Variants in KCNIP4 observed in about 807,000 individuals in gnomAD.
KCNIP4 encodes potassium voltage-gated channel interacting protein 4.
KCNIP4 carries 12 observed loss-of-function variants against 34.0 expected under a neutral mutation model. The observed-to-expected ratio is 0.35, with a 90% CI of 0.23 to 0.57. The LOEUF (loss-of-function observed/expected upper bound fraction) is 0.57, where lower values mean the gene tolerates loss of function less well. Among genes scored for constraint, KCNIP4 ranks in the 20% least tolerant of loss-of-function variants. The pLI, the probability that KCNIP4 is intolerant of heterozygous loss-of-function variation, is 0.83. For missense variants in KCNIP4, 238 were observed against 311.7 expected (o/e 0.76, Z 1.78); for synonymous variants, 124 against 102.2 (o/e 1.21, Z -1.29).
At chr4:21,852,346 C>G (rs1724464551) in intron 1 of KCNIP4, 1 of 152,178 alleles carries the variant, frequency 6.6e-6, no homozygotes, top group Non-Finnish European at 1.5e-5. Flanking sequence ...TGAGGCAACT[C>G]ACAATCTCTG....
chr4:20,828,567 G>T (rs1323833698), intron 3 of KCNIP4, among the ~76,000 whole-genome samples: 3 of 152,200 alleles, frequency 2.0e-5, no homozygotes, highest in Non-Finnish European at 2.9e-5. Flanking sequence ...CATCTACATT[G>T]CAGGGTGGAT....
At chr4:20,984,491 GTGGCTGGT>G in intron 1 of KCNIP4, among the ~76,000 whole-genome samples, 1 of 152,154 alleles carries the variant, frequency 6.6e-6, no homozygotes, top group South Asian at 2.1e-4. Context: ...ATCAGTTCTG[GTGGCTGGT>G]GCCTACAGGC....
intron 1 of KCNIP4, among the ~76,000 whole-genome samples, chr4:20,953,947 C>A (rs558802336): frequency 6.6e-6 from 1 of 152,112 alleles, no homozygotes; most frequent in Admixed American, 6.5e-5. Flanking sequence ...AGTAGAGTCA[C>A]GGGAAACACT....
At chr4:21,246,495 T>A (rs1760213415) in intron 1 of KCNIP4, among the ~76,000 whole-genome samples, 1 of 152,224 alleles carries the variant, frequency 6.6e-6, no homozygotes, top group Non-Finnish European at 1.5e-5. Context: ...TTTGAAGACC[T>A]GATGCCTAAA....
chr4:21,681,873 C>CT lies in KCNIP4; in HGVS notation c.61+266697dup, dbSNP rs35681482. Reference sequence around the variant, plus strand: ...GAGAGTGAGGGAGGGGAATGCCACACTTTTTTTTTTATTTTTATTTATTTA... The same window carrying CT: ...GAGAGTGAGGGAGGGGAATGCCACACTTTTTTTTTTTATTTTTATTTATTTA... On this transcript the variant is annotated intron_variant, in intron 1 of 8. Transcript: ENST00000382152. Among the ~76,000 whole-genome samples, 339 of 147,588 alleles carry CT rather than the reference C, an allele frequency of 2.3e-3. 1 individual carries two copies. Among genetic ancestry groups the CT allele is most frequent in the African/African-American group, 8.2e-3 (325 of 39,568 alleles).
intron 3 of KCNIP4, among the ~76,000 whole-genome samples, chr4:20,774,267 T>C (rs1756175902): frequency 6.6e-6 from 1 of 152,200 alleles, no homozygotes; most frequent in Non-Finnish European, 1.5e-5. Context: ...CCTTGTTAAA[T>C]ACCATCTGCT....
chr4:20,730,307 T>TGACTA (rs1480279405), intron 8 of KCNIP4, among the ~76,000 whole-genome samples, 178 bp from the exon 9 acceptor site: 1 of 152,208 alleles, frequency 6.6e-6, no homozygotes, highest in Non-Finnish European at 1.5e-5. Context: ...TCCACATAGA[T>TGACTA]GACTATGAAG....
At chr4:21,237,589 A>G (rs1759461597) in intron 1 of KCNIP4, among the ~76,000 whole-genome samples, 1 of 152,206 alleles carries the variant, frequency 6.6e-6, no homozygotes. Context: ...CCATCAGAGA[A>G]TACTATAAAC....
intron 1 of KCNIP4, among the ~76,000 whole-genome samples, chr4:21,397,957 A>G (rs1296925494): frequency 6.6e-6 from 1 of 152,212 alleles, no homozygotes; most frequent in Non-Finnish European, 1.5e-5. Flanking sequence ...CAATTTTCCA[A>G]AAACTGGAAG....
At chr4:20,905,845 G>A (rs1210465247) in intron 1 of KCNIP4, among the ~76,000 whole-genome samples, 15 of 151,670 alleles carry the variant, frequency 9.9e-5, no homozygotes, top group African/African-American at 3.6e-4. Flanking sequence ...TTCTAATCAA[G>A]GTATAGGGAA....
chr4:20,753,292 A>G (rs1216822389), intron 4 of KCNIP4, among the ~76,000 whole-genome samples: 1 of 152,148 alleles, frequency 6.6e-6, no homozygotes, highest in Non-Finnish European at 1.5e-5. Flanking sequence ...AATCGAGGAT[A>G]CTAGAGTAGA....
At chr4:21,089,629 A>G (rs953805734) in intron 1 of KCNIP4, among the ~76,000 whole-genome samples, 1 of 152,206 alleles carries the variant, frequency 6.6e-6, no homozygotes, top group South Asian at 2.1e-4. Flanking sequence ...TCAAAAAGTA[A>G]AAAACTGGGA....
At chr4:21,258,468 A>C (rs986065002) in intron 1 of KCNIP4, among the ~76,000 whole-genome samples, 2 of 152,114 alleles carry the variant, frequency 1.3e-5, no homozygotes, top group Admixed American at 1.3e-4. Flanking sequence ...TCCAAGCTCT[A>C]CCCATATTAT....
At chr4:21,783,689 T>C (rs184432274) in intron 1 of KCNIP4, among the ~76,000 whole-genome samples, 104 of 152,266 alleles carry the variant, frequency 6.8e-4, no homozygotes, top group Non-Finnish European at 1.4e-3. Flanking sequence ...GTCATAACAA[T>C]ATAAACATTA....
intron 1 of KCNIP4, among the ~76,000 whole-genome samples, chr4:21,074,394 A>G (rs1283318947): frequency 6.6e-6 from 1 of 152,068 alleles, no homozygotes; most frequent in East Asian, 1.9e-4. Flanking sequence ...GAATTTATTC[A>G]TTTCTTCTAG....
intron 1 of KCNIP4, among the ~76,000 whole-genome samples, chr4:21,053,421 T>TA (rs1000349400): frequency 3.9e-5 from 6 of 152,026 alleles, no homozygotes; most frequent in African/African-American, 1.4e-4. Flanking sequence ...GTACTTAAGG[T>TA]AAAAAAATCT....
chr4:21,400,835 A>G (rs145741765), intron 1 of KCNIP4, among the ~76,000 whole-genome samples: 2 of 152,210 alleles, frequency 1.3e-5, no homozygotes, highest in Non-Finnish European at 2.9e-5. Context: ...AGATCAGGTA[A>G]CTGGTGATAG....
chr4:21,687,763 A>G (rs1750926560), intron 1 of KCNIP4, among the ~76,000 whole-genome samples: 1 of 152,148 alleles, frequency 6.6e-6, no homozygotes, highest in African/African-American at 2.4e-5. Context: ...CAAAACAATG[A>G]TAATATGAAA....
Position 21,313,979 on chromosome 4 carries a change from G to A in KCNIP4, c.62-431270C>T, listed in dbSNP as rs114295369. Among the ~76,000 whole-genome samples, 800 of 152,260 alleles carry A rather than the reference G, an allele frequency of 5.3e-3. 8 individuals are homozygous for A. Among genetic ancestry groups the A allele is most frequent in the African/African-American group, 0.019 (782 of 41,550 alleles). On this transcript the variant is annotated intron_variant, in intron 1 of 8. Transcript: ENST00000382152. ...CAGGTTAGCAGAGTGCTCTATTCAG[G>A]CTTAAATCAAGATGTAGGCTCGGGC... is the stretch of plus-strand genomic sequence containing the variant.
Sources: allele counts gnomAD v4.1 joint callset (sites outside exome capture counted in the v4.1 genomes callset), GRCh38; gene constraint gnomAD v4.1.1; transcripts MANE v1.5; gene names NCBI Gene and HGNC (gene_info 2026-07-23, HGNC 2026-07-21).